PRIM2: variants seen among roughly 807,000 people sequenced by gnomAD.
PRIM2 encodes DNA primase large subunit.
PRIM2 carries 39 observed loss-of-function variants against 67.3 expected under a neutral mutation model. The observed-to-expected ratio is 0.58, with a 90% confidence interval of 0.45 to 0.76. PRIM2 has a LOEUF of 0.76. PRIM2 is among the 30% of genes least tolerant of loss of function. PRIM2 has a pLI of 0.00. For synonymous variants in PRIM2, 143 were observed against 198.7 expected, an observed-to-expected ratio of 0.72 and a Z score of 2.36; for missense variants, 398 against 598.7, an observed-to-expected ratio of 0.66 and a Z score of 3.50.
chr6:57,350,065 G>T (rs1278573015), intron 5 of PRIM2, among the ~76,000 whole-genome samples: 1 of 152,120 alleles, frequency 6.6e-6, no homozygotes, highest in Non-Finnish European at 1.5e-5. Flanking sequence ...TGTGAATGCA[G>T]AGCTTCCCAG....
the PRIM2 span, among the ~76,000 whole-genome samples, chr6:57,229,434 A>C: frequency 2.6e-5 from 4 of 151,960 alleles, no homozygotes; most frequent in African/African-American, 9.7e-5. Context: ...TAGTCAAATT[A>C]TTGTATTCAT....
At chr6:57,269,503 T>G in the PRIM2 span, among the ~76,000 whole-genome samples, 14 of 152,368 alleles carry the variant, frequency 9.2e-5, no homozygotes, top group Middle Eastern at 3.4e-3. Context: ...TAAATTTGTT[T>G]GAGTTCATTG....
the PRIM2 span, among the ~76,000 whole-genome samples, chr6:57,242,980 C>T: frequency 6.6e-6 from 1 of 152,132 alleles, no homozygotes; most frequent in Non-Finnish European, 1.5e-5. Flanking sequence ...TTCCATAAAC[C>T]CATGTTCTCC....
intron 10 of PRIM2, among the ~76,000 whole-genome samples, chr6:57,556,888 G>A (rs1283045825): frequency 6.6e-6 from 1 of 150,386 alleles, no homozygotes; most frequent in Non-Finnish European, 1.5e-5. Flanking sequence ...TCTGACAAAG[G>A]TCTAATATCC....
chr6:57,513,696 C>T (rs1454223304), intron 8 of PRIM2, among the ~76,000 whole-genome samples: 1 of 152,046 alleles, frequency 6.6e-6, no homozygotes, highest in African/African-American at 2.4e-5. Flanking sequence ...GAGTTCAAGA[C>T]CAGCCTGTCT....
At chr6:57,295,071 G>A in the PRIM2 span, among the ~76,000 whole-genome samples, 3 of 152,146 alleles carry the variant, frequency 2.0e-5, no homozygotes, top group African/African-American at 4.8e-5. Context: ...AATTACAGGC[G>A]TTAGCCACCA....
chr6:57,280,608 C>T, the PRIM2 span, among the ~76,000 whole-genome samples: 3 of 152,116 alleles, frequency 2.0e-5, no homozygotes, highest in Non-Finnish European at 4.4e-5. Context: ...CTCCCAGGTT[C>T]AAGCGATTCT....
chr6:57,382,228 G>T, intron 7 of PRIM2, 60 bp downstream of exon 7: 2 of 1,538,834 alleles, frequency 1.3e-6, no homozygotes, highest in South Asian at 1.2e-5. Context: ...ATATACCCCT[G>T]GTAGTTTTAT....
chr6:57,631,175 G>C (rs1327900012), intron 12 of PRIM2, among the ~76,000 whole-genome samples: 1 of 152,034 alleles, frequency 6.6e-6, no homozygotes, highest in Non-Finnish European at 1.5e-5. Flanking sequence ...CAATAATGAG[G>C]ATAGCAAGAA....
the PRIM2 span, among the ~76,000 whole-genome samples, chr6:57,275,048 G>A: frequency 5.3e-5 from 8 of 151,698 alleles, no homozygotes; most frequent in Non-Finnish European, 1.2e-4. Flanking sequence ...GATTATAGGC[G>A]TGAGCCACTG....
chr6:57,258,941 T>C, the PRIM2 span, among the ~76,000 whole-genome samples: 1 of 152,300 alleles, frequency 6.6e-6, no homozygotes, highest in African/African-American at 2.4e-5. Flanking sequence ...GCCACCAATA[T>C]CTTCTAGTTA....
chr6:57,614,441 A>G (rs1776718066), intron 12 of PRIM2, among the ~76,000 whole-genome samples: 1 of 152,170 alleles, frequency 6.6e-6, no homozygotes, highest in Admixed American at 6.6e-5. Context: ...GAAATTTAAG[A>G]CTATTGGAAA....
intron 7 of PRIM2, among the ~76,000 whole-genome samples, chr6:57,456,012 C>T (rs1189521013): frequency 4.7e-4 from 71 of 152,216 alleles, no homozygotes; most frequent in African/African-American, 1.7e-3. Context: ...ATTTGCTTGT[C>T]TGTAAAGGAT....
At chr6:57,571,670 C>CA (rs1463559609) in intron 10 of PRIM2, among the ~76,000 whole-genome samples, 2 of 149,106 alleles carry the variant, frequency 1.3e-5, no homozygotes, top group Non-Finnish European at 3.0e-5. Flanking sequence ...CAAAACAAAA[C>CA]AAAAAACAAA....
intron 10 of PRIM2, among the ~76,000 whole-genome samples, chr6:57,592,296 G>A (rs1375961053): frequency 6.6e-6 from 1 of 152,196 alleles, no homozygotes; most frequent in East Asian, 1.9e-4. Flanking sequence ...AAACCTGCAT[G>A]TGTAATAAAT....
the PRIM2 span, among the ~76,000 whole-genome samples, chr6:57,307,288 C>G: frequency 6.7e-6 from 1 of 149,744 alleles, no homozygotes; most frequent in Admixed American, 6.6e-5. Flanking sequence ...GAGTCTTGCT[C>G]TGTTGCCCAG....
intron 5 of PRIM2, among the ~76,000 whole-genome samples, chr6:57,373,864 T>C (rs7756416): frequency 3.9e-5 from 6 of 152,150 alleles, no homozygotes; most frequent in African/African-American, 1.4e-4. Flanking sequence ...TAGTATAGTT[T>C]GAAATAGGGT....
intron 5 of PRIM2, among the ~76,000 whole-genome samples, chr6:57,363,746 T>C (rs1376204386): frequency 1.3e-5 from 2 of 152,228 alleles, no homozygotes; most frequent in Non-Finnish European, 2.9e-5. Context: ...GAATTCTTTT[T>C]ATTTATCCTG....
At chr6:57,246,067 A>G in the PRIM2 span, among the ~76,000 whole-genome samples, 1 of 152,244 alleles carries the variant, frequency 6.6e-6, no homozygotes, top group Non-Finnish European at 1.5e-5. Flanking sequence ...TACAAATCAT[A>G]TATCTCAACA....
Sources: gnomAD v4.1 joint callset for allele counts (sites outside exome capture counted in the v4.1 genomes callset) on GRCh38, gnomAD v4.1.1 for gene constraint, MANE v1.5 for transcripts, NCBI Gene and HGNC (gene_info 2026-07-23, HGNC 2026-07-21) for gene names.